Variants in COL6A5 observed in about 807,000 individuals in gnomAD.
The protein encoded by COL6A5 is collagen type VI alpha 5 chain, also known as collagen alpha-5(VI) chain.
Under a neutral mutation model 65.6 loss-of-function variants are expected in COL6A5, and 48 were observed. That is an observed-to-expected ratio of 0.73 (90% CI 0.58 to 0.93). COL6A5 has a LOEUF of 0.93. Ranked by LOEUF, COL6A5 falls within the 40% of genes least tolerant of loss-of-function variation. The probability of loss-of-function intolerance (pLI) is 0.00; values close to 1 mark genes in which losing one functional copy is unlikely to be tolerated. For synonymous variants in COL6A5, 291 were observed against 322.8 expected, an observed-to-expected ratio of 0.90 and a Z score of 1.05; for missense variants, 914 against 928.3, an observed-to-expected ratio of 0.98 and a Z score of 0.20.
At chr3:130,436,397 C>G (rs1389004506) in intron 1 of COL6A5, among the ~76,000 whole-genome samples, 2 of 151,966 alleles carry the variant, frequency 1.3e-5, no homozygotes, top group Non-Finnish European at 2.9e-5. Flanking sequence ...ACTTTCTGAC[C>G]TAGATTTTCA....
At chr3:130,425,880 C>A (rs1302811655) in intron 29 of COL6A5, among the ~76,000 whole-genome samples, 1 of 152,126 alleles carries the variant, frequency 6.6e-6, no homozygotes, top group East Asian at 1.9e-4. Flanking sequence ...TTTAAGCATT[C>A]TTATGAGAAA....
At chr3:130,356,872 A>G (rs1013775225) in intron 1 of COL6A5, among the ~76,000 whole-genome samples, 4 of 152,214 alleles carry the variant, frequency 2.6e-5, no homozygotes, top group African/African-American at 4.8e-5. Context: ...GCGTTGCCTC[A>G]AAAAGCTCTT....
At chr3:130,422,721 G>T in exon 28 of COL6A5, 2 of 1,525,506 alleles carry the variant, frequency 1.3e-6, no homozygotes, top group South Asian at 1.2e-5. Context: ...AATCTTCAGG[G>T]TGATATTGGT....
chr3:130,440,346 A>C lies in COL6A5; in HGVS notation c.764A>C (p.Asp255Ala), dbSNP rs369112375. 5.8e-5 allele frequency: 93 copies of C among 1,613,420 alleles called. No homozygotes were observed. The highest frequency in any genetic ancestry group is 5.3e-4 in the South Asian group (48 of 91,064). The change falls in exon 3 of 8, where the codon GAC becomes GCC. Residue 255 changes from aspartate to alanine, a missense_variant. By Grantham distance (126) the Asp-to-Ala change is moderately radical. Transcript: ENST00000512836. ...ATTGCTTCAGACCCTTTAATCTCAG[A>C]CTCTGGTGATAGGATTGCTTTGTTG... is the stretch of plus-strand genomic sequence containing the variant.
chr3:130,395,013 C>T (rs1328081830), exon 8 of COL6A5: 1 of 1,551,326 alleles, frequency 6.4e-7, no homozygotes, highest in African/African-American at 1.4e-5. Context: ...GACATTCAGT[C>T]TCAAAGAATG....
At position 130,440,406 on chromosome 3, in the gene COL6A5, T is replaced by A. The variant is rs1450764387; in HGVS notation, c.824T>A (p.Met275Lys). Residue 275 changes from methionine (M) to lysine (K), a missense_variant, in exon 3 of 8, where the codon ATG becomes AAG. Met to Lys is a moderately conservative substitution (Grantham distance 95). Coordinates refer to ENST00000512836, the Ensembl canonical transcript of COL6A5. ...CCTTGGGAAAGTTCCAGGAGAAAGATGGGTACAGTAAAAACAGAGTTTGAT... is the reference window on the plus strand; with the variant it reads ...CCTTGGGAAAGTTCCAGGAGAAAGAAGGGTACAGTAAAAACAGAGTTTGAT... The A allele has an allele frequency of 3.7e-6, 6 of 1,613,632 alleles. No homozygotes were observed. The South Asian group carries it at 5.5e-5, about 15-fold the overall frequency.
chr3:130,410,518 C>T, exon 20 of COL6A5: 1 of 1,550,216 alleles, frequency 6.5e-7, no homozygotes, highest in Non-Finnish European at 8.7e-7. Context: ...GTTCCAGAGG[C>T]AGCAGGGTAA....
upstream of COL6A5, among the ~76,000 whole-genome samples, chr3:130,428,464 C>T (rs1937657313): frequency 6.6e-6 from 1 of 152,086 alleles, no homozygotes; most frequent in African/African-American, 2.4e-5. Flanking sequence ...GAGAATAAAA[C>T]AGAAGGGCCC....
At chr3:130,385,402 A>T (rs938033260) in intron 5 of COL6A5, 38 bp downstream of exon 5, 20 of 1,525,726 alleles carry the variant, frequency 1.3e-5, no homozygotes, top group Non-Finnish European at 8.8e-7. Flanking sequence ...TCCACATTTC[A>T]TCAATTGCTT....
chr3:130,376,189 A>C, intron 2 of COL6A5, 48 bp from the exon 3 acceptor site: 1 of 1,519,098 alleles, frequency 6.6e-7, no homozygotes, highest in Non-Finnish European at 8.8e-7. Context: ...TCTAAAATAC[A>C]AAGGTTGAAT....
exon 27 of COL6A5, chr3:130,421,353 G>A (rs1937514500): frequency 6.4e-7 from 1 of 1,550,516 alleles, no homozygotes. Context: ...GGAGATGCGG[G>A]GCAGAAGGTA....
intron 20 of COL6A5, among the ~76,000 whole-genome samples, chr3:130,412,732 G>A (rs1052248560): frequency 6.6e-6 from 1 of 152,084 alleles, no homozygotes; most frequent in Non-Finnish European, 1.5e-5. Context: ...AAAGTAGCTT[G>A]AATCAAGGGG....
At chr3:130,427,267 G>A (rs1937624250), upstream of COL6A5, among the ~76,000 whole-genome samples, 1 of 152,152 alleles carries the variant, frequency 6.6e-6, no homozygotes, top group African/African-American at 2.4e-5. Context: ...TGTGTTCAAG[G>A]AGGTGGAATT....
chr3:130,484,064 A>G, exon 8 of COL6A5: 1 of 1,606,300 alleles, frequency 6.2e-7, no homozygotes, highest in Non-Finnish European at 8.5e-7. Flanking sequence ...ATCATAGGAG[A>G]AAAGAAGATA....
exon 4 of COL6A5, chr3:130,443,522 A>G: frequency 6.2e-7 from 1 of 1,611,584 alleles, no homozygotes; most frequent in South Asian, 1.1e-5. Context: ...ATGCCTGTAG[A>G]CTCATCAATT....
intron 23 of COL6A5, among the ~76,000 whole-genome samples, chr3:130,416,286 G>A (rs1937334271): frequency 6.6e-6 from 1 of 152,102 alleles, no homozygotes; most frequent in Admixed American, 6.6e-5. Flanking sequence ...TATATTCCTA[G>A]CATGTGTGGT....
At chr3:130,456,415 C>A (rs1709572865) in intron 5 of COL6A5, among the ~76,000 whole-genome samples, 1 of 151,988 alleles carries the variant, frequency 6.6e-6, no homozygotes, top group South Asian at 2.1e-4. Flanking sequence ...TAACTATAGT[C>A]AATAATTTTA....
intron 6 of COL6A5, among the ~76,000 whole-genome samples, chr3:130,470,619 T>A (rs1223356586): frequency 6.6e-6 from 1 of 151,936 alleles, no homozygotes; most frequent in Non-Finnish European, 1.5e-5. Flanking sequence ...TAGAAAGAAT[T>A]TAGAGATGTC....
exon 4 of COL6A5, chr3:130,379,438 C>G: frequency 3.9e-6 from 6 of 1,550,992 alleles, no homozygotes; most frequent in Non-Finnish European, 5.2e-6. Flanking sequence ...CATATCCTGT[C>G]AGAAAGATTC....
Sources: allele counts gnomAD v4.1 joint callset (sites outside exome capture counted in the v4.1 genomes callset), GRCh38; gene constraint gnomAD v4.1.1; transcripts MANE v1.5; gene names NCBI Gene and HGNC (gene_info 2026-07-23, HGNC 2026-07-21).